The following MARCHF3 variants were observed in gnomAD, a reference collection of about 807,000 sequenced individuals.
MARCHF3 encodes the protein membrane associated ring-CH-type finger 3, also known as E3 ubiquitin-protein ligase MARCHF3.
A neutral mutation model predicts 24.2 loss-of-function variants in MARCHF3; 13 were observed. The ratio of observed to expected loss-of-function variants is 0.54; its 90% confidence interval spans 0.35 to 0.85. The LOEUF (loss-of-function observed/expected upper bound fraction) is 0.85. MARCHF3 is among the 40% of genes least tolerant of loss of function. MARCHF3 has a pLI of 0.01. For missense variants in MARCHF3, 276 were observed against 325.0 expected (o/e 0.85, Z 1.16); for synonymous variants, 144 against 137.3 (o/e 1.05, Z -0.34).
At chr5:126,945,666 G>A (rs1749986221) in intron 1 of MARCHF3, among the ~76,000 whole-genome samples, 1 of 152,220 alleles carries the variant, frequency 6.6e-6, no homozygotes, top group Admixed American at 6.5e-5. Flanking sequence ...CTACCAGGGG[G>A]CTTTGTGCAG....
At chr5:126,910,348 C>T (rs542602224) in intron 3 of MARCHF3, among the ~76,000 whole-genome samples, 2 of 152,284 alleles carry the variant, frequency 1.3e-5, no homozygotes, top group Non-Finnish European at 2.9e-5. Flanking sequence ...GATGGGCTTC[C>T]TTGGCAAACT....
chr5:126,909,196 T>G (rs1754416905), intron 3 of MARCHF3, among the ~76,000 whole-genome samples: 1 of 152,228 alleles, frequency 6.6e-6, no homozygotes, highest in African/African-American at 2.4e-5. Context: ...TCCAGCTGCA[T>G]GCTGGGAGAA....
At chr5:126,906,706 C>A (rs971244034) in intron 3 of MARCHF3, among the ~76,000 whole-genome samples, 1 of 152,148 alleles carries the variant, frequency 6.6e-6, no homozygotes, top group East Asian at 1.9e-4. Context: ...ATTCTTCTCT[C>A]TTTTTTTCTT....
chr5:126,893,391 A>G (rs1434703241), intron 3 of MARCHF3, among the ~76,000 whole-genome samples: 2 of 151,038 alleles, frequency 1.3e-5, no homozygotes, highest in African/African-American at 2.4e-5. Flanking sequence ...TAGGGTGTCA[A>G]TTTTGGATCT....
chr5:126,905,435 T>TC (rs1377158624), intron 3 of MARCHF3, among the ~76,000 whole-genome samples: 1 of 146,544 alleles, frequency 6.8e-6, no homozygotes, highest in Non-Finnish European at 1.5e-5. Flanking sequence ...TATTGATTCT[T>TC]CCTACCCATG....
intron 3 of MARCHF3, among the ~76,000 whole-genome samples, chr5:126,908,819 C>G (rs2126788122): frequency 6.6e-6 from 1 of 152,180 alleles, no homozygotes; most frequent in East Asian, 1.9e-4. Flanking sequence ...CTTCTCTCAG[C>G]TCCTCAAAGT....
intron 1 of MARCHF3, among the ~76,000 whole-genome samples, chr5:126,967,480 G>A (rs1172159315): frequency 6.6e-6 from 1 of 152,122 alleles, no homozygotes; most frequent in Non-Finnish European, 1.5e-5. Flanking sequence ...ATCACCTGAG[G>A]TCAAGAGTTT....
chr5:127,026,097 TA>T (rs76667904), intron 1 of MARCHF3, among the ~76,000 whole-genome samples: 2,605 of 137,674 alleles, frequency 0.019, 42 homozygotes, highest in African/African-American at 0.049. Flanking sequence ...ATGCCATAGC[TA>T]AAAAAAAAAA....
intron 1 of MARCHF3, among the ~76,000 whole-genome samples, chr5:127,003,284 A>ACG (rs1491390584): frequency 1.5e-5 from 2 of 134,430 alleles, no homozygotes. Context: ...TCAAGACCAC[A>ACG]GTGAAAACCC....
At chr5:126,977,456 A>G (rs1751242001) in intron 1 of MARCHF3, among the ~76,000 whole-genome samples, 1 of 152,222 alleles carries the variant, frequency 6.6e-6, no homozygotes, top group Non-Finnish European at 1.5e-5. Context: ...TTTCCTTGCC[A>G]GCCACCTTAA....
intron 1 of MARCHF3, among the ~76,000 whole-genome samples, chr5:127,023,938 A>C (rs1752909551): frequency 6.6e-6 from 1 of 152,168 alleles, no homozygotes. Context: ...GGATGACAAA[A>C]GGAACCAAGC....
At chr5:126,877,402 T>C (rs1002357641) in intron 4 of MARCHF3, among the ~76,000 whole-genome samples, 3 of 152,304 alleles carry the variant, frequency 2.0e-5, no homozygotes, top group South Asian at 2.1e-4. Context: ...GAAAATATTC[T>C]AGAAGACAGT....
At position 126,868,655 on chromosome 5, in the gene MARCHF3, G is replaced by A. The variant is rs984917718; in HGVS notation, c.*1978C>T. 6.6e-6 allele frequency: 1 copy of A among 152,210 alleles called. No individual in the cohort carries two copies. Among genetic ancestry groups the A allele is most frequent in the Admixed American group, 6.5e-5 (1 of 15,284 alleles). 9.4% of individuals were successfully genotyped at this position (152,210 alleles called of 1,614,324 possible). ...CCTTAATTCATGCAAGAAACAGGGA[G>A]AAGGGGTATGGTCCTCTCATGAATG... On this transcript the variant is annotated 3_prime_UTR_variant, in exon 5 of 5. Transcript: ENST00000308660.
intron 3 of MARCHF3, among the ~76,000 whole-genome samples, chr5:126,909,694 G>C (rs1023227050): frequency 1.6e-4 from 25 of 152,112 alleles, no homozygotes; most frequent in Non-Finnish European, 3.4e-4. Flanking sequence ...CGCACCCACT[G>C]ACCTGGGCCC....
intron 1 of MARCHF3, among the ~76,000 whole-genome samples, chr5:127,028,069 T>C (rs562349612): frequency 6.6e-6 from 1 of 152,372 alleles, no homozygotes; most frequent in South Asian, 2.1e-4. Context: ...CACAGATTAG[T>C]GTTTTGCATG....
chr5:127,017,474 G>C (rs1052640605), intron 1 of MARCHF3, among the ~76,000 whole-genome samples: 1 of 152,080 alleles, frequency 6.6e-6, no homozygotes, highest in Non-Finnish European at 1.5e-5. Context: ...TGAAAATATC[G>C]TATACCAAAA....
At position 126,903,313 on chromosome 5, in the gene MARCHF3, C is replaced by G. The variant is rs1580620952; in HGVS notation, c.393+11617G>C. 2.6e-5 allele frequency among the ~76,000 whole-genome samples: 4 copies of G among 152,112 alleles called. 1 individual carries two copies. The highest frequency in any genetic ancestry group is 5.9e-5 in the Non-Finnish European group (4 of 68,008). ...GGAAATAGAGAGAGCATGTCCCACC[C>G]AAAGGCATTCAAATTCCTCAATAAA... On this transcript the variant is annotated intron_variant, in intron 3 of 4. Transcript: ENST00000308660.
chr5:126,911,625 T>A (rs1217136470), intron 3 of MARCHF3, among the ~76,000 whole-genome samples: 1 of 152,228 alleles, frequency 6.6e-6, no homozygotes, highest in Non-Finnish European at 1.5e-5. Context: ...GTAGTGCTCT[T>A]GGGTTGAAAC....
At chr5:126,886,130 C>A (rs1469024825) in intron 3 of MARCHF3, among the ~76,000 whole-genome samples, 1 of 151,970 alleles carries the variant, frequency 6.6e-6, no homozygotes, top group Non-Finnish European at 1.5e-5. Flanking sequence ...CTACGATCTA[C>A]CAGATATTTG....
Sources: allele counts gnomAD v4.1 joint callset (sites outside exome capture counted in the v4.1 genomes callset), GRCh38; gene constraint gnomAD v4.1.1; transcripts MANE v1.5; gene names NCBI Gene and HGNC (gene_info 2026-07-23, HGNC 2026-07-21).